The following BCLAF1 variants were observed in gnomAD, a reference collection of about 807,000 sequenced individuals.
The protein encoded by BCLAF1 is BCL2 associated transcription factor 1, also known as bcl-2-associated transcription factor 1.
A neutral mutation model predicts 99.5 loss-of-function variants in BCLAF1; 10 were observed. The ratio of observed to expected loss-of-function variants is 0.10; its 90% confidence interval spans 0.06 to 0.17. BCLAF1 has a LOEUF of 0.17. BCLAF1 is among the 10% of genes least tolerant of loss of function. The probability of loss-of-function intolerance (pLI) is 1.00; values close to 1 mark genes in which losing one functional copy is unlikely to be tolerated. For synonymous variants in BCLAF1, 255 were observed against 370.9 expected, an observed-to-expected ratio of 0.69 and a Z score of 3.59; for missense variants, 636 against 1,105.8, an observed-to-expected ratio of 0.58 and a Z score of 6.02.
At chr6:136,279,918 T>A (rs1276712079) in intron 2 of BCLAF1, 42 bp from the exon 3 acceptor site, 2 of 1,386,046 alleles carry the variant, frequency 1.4e-6, no homozygotes, top group Admixed American at 2.8e-5. Context: ...AATTACAATA[T>A]GATATTTAAA....
intron 11 of BCLAF1, among the ~76,000 whole-genome samples, chr6:136,266,577 T>C (rs1781744696): frequency 6.6e-6 from 1 of 152,082 alleles, no homozygotes; most frequent in African/African-American, 2.4e-5. Flanking sequence ...TCATCATCTT[T>C]TTTCTCCAAT....
At chr6:136,265,517 G>A (rs144399194) in intron 11 of BCLAF1, among the ~76,000 whole-genome samples, 2 of 152,138 alleles carry the variant, frequency 1.3e-5, no homozygotes, top group Non-Finnish European at 2.9e-5. Flanking sequence ...CATGATTTTT[G>A]TAAACTCTGC....
intron 8 of BCLAF1, among the ~76,000 whole-genome samples, chr6:136,271,094 T>C (rs1782465968): frequency 6.6e-6 from 1 of 151,774 alleles, no homozygotes; most frequent in Admixed American, 6.6e-5. Context: ...CAGCTTCTAG[T>C]AACAAACGTG....
chr6:136,262,564 T>C (rs1450281104), intron 11 of BCLAF1, among the ~76,000 whole-genome samples: 8 of 152,232 alleles, frequency 5.3e-5, no homozygotes, highest in East Asian at 1.9e-4. Flanking sequence ...TAACAGACCA[T>C]ATGAAAGAGA....
rs935097124 is a variant in BCLAF1 at position 136,257,614 on chromosome 6, A to T, written c.*3496T>A. Reference sequence around the variant, plus strand: ...TAGTATCTACCCCAATAAAATTTGAAACATTTAATAATAGTATCAACTATT... The same window carrying T: ...TAGTATCTACCCCAATAAAATTTGATACATTTAATAATAGTATCAACTATT... On this transcript the variant is annotated 3_prime_UTR_variant, in exon 13 of 13. Transcript: ENST00000531224. 10 of 152,200 alleles carry T rather than the reference A, an allele frequency of 6.6e-5. No homozygotes were observed. Among genetic ancestry groups the T allele is most frequent in the African/African-American group, 2.4e-4 (10 of 41,472 alleles). 9.4% of individuals were successfully genotyped at this position (152,200 alleles called of 1,614,324 possible). A position where few individuals can be genotyped will look rare whatever the true frequency, so the allele number is the denominator to read the frequency against.
In BCLAF1 at chr6:136,276,395, T is replaced by C; in HGVS notation, c.1130A>G (p.Asp377Gly). Reference sequence around the variant, plus strand: ...ACTGAAGTAATCTAGAGCTTCCTGATCTTCCCATTCTCCCTCTGCCCTCCC... The same window carrying C: ...ACTGAAGTAATCTAGAGCTTCCTGACCTTCCCATTCTCCCTCTGCCCTCCC... ...EKGRAEGEWE[D>G]QEALDYFSDK... is the part of the protein sequence containing the mutation. Residue 377 changes from aspartate (D) to glycine (G), a missense_variant, in exon 5 of 13, where the codon GAT (aspartate) becomes GGT (glycine). By Grantham distance (94) the Asp-to-Gly change is moderately conservative. This residue lies in a region of BCLAF1 where 186 missense variants were observed against 275.3 expected (regional missense o/e 0.68). Transcript: ENST00000531224. 6.3e-7 allele frequency: 1 copy of C among 1,575,150 alleles called. No individual in the cohort carries two copies. Among genetic ancestry groups the C allele is most frequent in the Non-Finnish European group, 8.6e-7 (1 of 1,167,900 alleles).
chr6:136,289,451 C>T (rs554003729), intron 1 of BCLAF1, among the ~76,000 whole-genome samples: 2 of 152,116 alleles, frequency 1.3e-5, no homozygotes, highest in South Asian at 2.1e-4. Flanking sequence ...GGAGGCCGCG[C>T]GGGCTGTGGG....
Position 136,275,866 on chromosome 6 carries a change from A to G in BCLAF1, c.1659T>C (p.Pro553=), listed in dbSNP as rs7762367. ...HRPEVKLKMA[P]VPLDDSNRPA... ...ACCTGTTAGAATCATCAAGAGGAAC[A>G]GGTGCCATTTTGAGTTTGACTTCAG... is the stretch of plus-strand genomic sequence containing the variant. The change falls in exon 5 of 13, where the codon CCT becomes CCC. Residue 553 remains proline (P), a synonymous_variant. Transcript: ENST00000531224. 5 of 1,613,214 alleles carry G rather than the reference A, an allele frequency of 3.1e-6. No homozygotes were observed. Among genetic ancestry groups the G allele is most frequent in the Non-Finnish European group, 3.4e-6 (4 of 1,179,692 alleles).
intron 1 of BCLAF1, among the ~76,000 whole-genome samples, chr6:136,284,158 A>ATATC (rs1421101274): frequency 3.5e-5 from 5 of 143,990 alleles, no homozygotes; most frequent in East Asian, 4.0e-4. Flanking sequence ...ATATATATAT[A>ATATC]TCCAGAGAAG....
intron 1 of BCLAF1, among the ~76,000 whole-genome samples, chr6:136,284,126 G>A (rs1784760611): frequency 1.3e-5 from 1 of 76,162 alleles, no homozygotes; most frequent in African/African-American, 8.3e-5. Flanking sequence ...ATGTGTGTGT[G>A]TGTGTATATA....
chr6:136,267,266 T>C (rs1282333813), intron 10 of BCLAF1, 91 bp from the exon 11 acceptor site: 4 of 1,373,656 alleles, frequency 2.9e-6, no homozygotes, highest in Non-Finnish European at 4.0e-6. Context: ...ACAAAAAACA[T>C]ATGCCCTAAT....
rs2128471577 is a variant in BCLAF1 at position 136,268,207 on chromosome 6, T to C, written c.2352A>G (p.Lys784=). The change falls in exon 10 of 13, where the codon AAA becomes AAG. Residue 784 remains lysine, a synonymous_variant. Transcript: ENST00000531224. ...EEEFKTHHEM[K]EYSGFAGVSR... ...TAACTCCTGCAAAGCCTGAGTATTC[T>C]TTCATTTCATGGTGAGTTTTAAATT... 1 of 1,564,106 alleles carries C rather than the reference T, an allele frequency of 6.4e-7. No homozygotes were observed. The highest frequency in any genetic ancestry group is 2.2e-5 in the East Asian group (1 of 44,496).
rs779760623 is a variant in BCLAF1, at chr6:136,276,483, A to G, written c.1042T>C (p.Phe348Leu). 1.5e-5 allele frequency: 24 copies of G among 1,564,684 alleles called. No individual in the cohort carries two copies. Among genetic ancestry groups the G allele is most frequent in the Non-Finnish European group, 2.0e-5 (23 of 1,163,296 alleles). ...CTGGTATTACCCCTATCAAGCAGGA[A>G]TACTCTAGACTCTTCATCTGTGAAC... ...KRFTDEESRV[F>L]LLDRGNTRDK... The change falls in exon 5 of 13, where the codon TTC becomes CTC. Residue 348 changes from phenylalanine to leucine, a missense_variant. Transcript: ENST00000531224.
chr6:136,257,618 T>C lies in BCLAF1; in HGVS notation c.*3492A>G, dbSNP rs1780534543. 1 of 152,192 alleles carries C rather than the reference T, an allele frequency of 6.6e-6. No individual in the cohort carries two copies. The highest frequency in any genetic ancestry group is 2.4e-5 in the African/African-American group (1 of 41,458). The allele number at this position is 152,192 out of a possible 1,614,324, so 9.4% of individuals were successfully genotyped here. A position where few individuals can be genotyped will look rare whatever the true frequency, so the allele number is the denominator to read the frequency against. The stretch of plus-strand genomic sequence containing the variant: ...ATCTACCCCAATAAAATTTGAAACA[T>C]TTAATAATAGTATCAACTATTTGAG... On this transcript the variant is annotated 3_prime_UTR_variant, in exon 13 of 13. Transcript: ENST00000531224.
Position 136,268,322 on chromosome 6 carries a change from T to C in BCLAF1, c.2237A>G (p.Gln746Arg), listed in dbSNP as rs1782023786. 3 of 1,603,544 alleles carry C rather than the reference T, an allele frequency of 1.9e-6. No individual in the cohort carries two copies. The highest frequency in any genetic ancestry group is 3.5e-5 in the Admixed American group (2 of 57,386). ...AGAGGATGAAGATCGAGAATGATCT[T>C]GCTCTCTTTTATGTTTACTGCAAAA... ...YKDDSKHKRE[Q>R]DHSRSSSSSA... The change falls in exon 10 of 13, where the codon CAA becomes CGA. Residue 746 changes from glutamine (Q) to arginine (R), a missense_variant. Transcript: ENST00000531224.
At chr6:136,272,193 T>TA in intron 7 of BCLAF1, 114 bp from the exon 8 acceptor site, 2 of 680,488 alleles carry the variant, frequency 2.9e-6, no homozygotes, top group Non-Finnish European at 4.9e-6. Context: ...TCAACTAATT[T>TA]AGCACACCAA....
At chr6:136,269,705 T>G in intron 8 of BCLAF1, 93 bp from the exon 9 acceptor site, 7 of 928,874 alleles carry the variant, frequency 7.5e-6, no homozygotes, top group Non-Finnish European at 1.0e-5. Flanking sequence ...TGCCAGCTTC[T>G]AAACTGGCAT....
rs548504420 is a variant in BCLAF1, at chr6:136,268,172, C to T, written c.2387G>A (p.Arg796Gln). 1 of 1,528,924 alleles carries T rather than the reference C, an allele frequency of 6.5e-7. No homozygotes were observed. 94.7% of individuals were successfully genotyped at this position (1,528,924 alleles called of 1,614,324 possible). The change falls in exon 10 of 13, where the codon CGA becomes CAA. Residue 796 changes from arginine (R) to glutamine (Q), a missense_variant. Arg to Gln is a conservative substitution (Grantham distance 43). Transcript: ENST00000531224. ...YSGFAGVSRPRGTFFRIRGRG... is the reference protein window; with the variant it reads ...YSGFAGVSRPQGTFFRIRGRG... The stretch of plus-strand genomic sequence containing the variant: ...AATTTTTTCACTTACAAAGGTTCCT[C>T]GTGGTCGGCTAACTCCTGCAAAGCC...
At chr6:136,262,266 T>C (rs1045544361) in intron 11 of BCLAF1, among the ~76,000 whole-genome samples, 7 of 152,052 alleles carry the variant, frequency 4.6e-5, no homozygotes, top group South Asian at 2.1e-4. Flanking sequence ...GCCAAGGGAG[T>C]CCTGTATGTA....
Sources: gnomAD v4.1 joint callset for allele counts (sites outside exome capture counted in the v4.1 genomes callset) on GRCh38, gnomAD v4.1.1 for gene constraint, gnomAD v4.1.1 regional missense constraint, MANE v1.5 for transcripts, NCBI Gene and HGNC (gene_info 2026-07-23, HGNC 2026-07-21) for gene names.